Variants in RARB observed in about 807,000 individuals in gnomAD.
RARB encodes retinoic acid receptor beta, also known as HBV-activated protein.
Under a neutral mutation model 51.9 loss-of-function variants are expected in RARB, and 17 were observed. That is an observed-to-expected ratio of 0.33 (90% CI 0.22 to 0.49). The LOEUF (loss-of-function observed/expected upper bound fraction) is 0.49, where lower values mean the gene tolerates loss of function less well. RARB is among the 20% of genes least tolerant of loss of function. The probability of loss-of-function intolerance (pLI) is 0.99; values close to 1 mark genes in which losing one functional copy is unlikely to be tolerated. For synonymous variants in RARB, 215 were observed against 195.4 expected (o/e 1.10, Z -0.84); for missense variants, 369 against 550.8 (o/e 0.67, Z 3.30).
intron 2 of RARB, among the ~76,000 whole-genome samples, chr3:25,488,459 A>C (rs888269942): frequency 1.3e-5 from 2 of 152,142 alleles, no homozygotes; most frequent in Non-Finnish European, 2.9e-5. Flanking sequence ...CCTTCTGGAG[A>C]AAATGAGAAG....
intron 5 of RARB, among the ~76,000 whole-genome samples, chr3:25,375,563 A>C (rs765615898): frequency 2.0e-5 from 3 of 152,190 alleles, no homozygotes; most frequent in African/African-American, 4.8e-5. Context: ...ATTTTAATGG[A>C]TAATGGGACT....
At chr3:25,358,484 C>G (rs976696876) in intron 5 of RARB, among the ~76,000 whole-genome samples, 5 of 152,144 alleles carry the variant, frequency 3.3e-5, no homozygotes, top group African/African-American at 4.8e-5. Flanking sequence ...CTTTCTCTTG[C>G]CTGATTGCCC....
At chr3:25,132,564 G>A (rs1031044354) in intron 4 of RARB, among the ~76,000 whole-genome samples, 3 of 151,778 alleles carry the variant, frequency 2.0e-5, no homozygotes, top group African/African-American at 2.4e-5. Context: ...CTCAAAAAAC[G>A]TTATGCTTGG....
rs550344078 is a variant in RARB, at chr3:24,847,248, C to T, written c.-458-11426C>T. Among the ~76,000 whole-genome samples the T allele has an allele frequency of 5.9e-5, 9 of 152,246 alleles. No individual in the cohort carries two copies. In the East Asian group the frequency reaches 1.7e-3, roughly 29 times the overall value. The stretch of plus-strand genomic sequence containing the variant: ...GAACCATTGTTCAAGAGCAGCTGTC[C>T]CTGGCTTTGAAAGGTGTGATAATGT... On this transcript the variant is annotated intron_variant, in intron 1 of 11. Coordinates refer to the RARB transcript ENST00000383772.
rs141369792 is a variant in RARB, at chr3:25,348,964, C to T, written c.179-112229C>T. Among the ~76,000 whole-genome samples, 1,127 of 152,282 alleles carry T rather than the reference C, an allele frequency of 7.4e-3. 18 individuals are homozygous for T. Among genetic ancestry groups the T allele is most frequent in the African/African-American group, 0.026 (1,069 of 41,570 alleles). On this transcript the variant is annotated intron_variant, in intron 5 of 11. Coordinates refer to the RARB transcript ENST00000383772. ...TGCAGTAGAGCATCTTGAAGACTCCCCAGGTTGCATTCTCCCCCAGATCTT... is the reference window on the plus strand; with the variant it reads ...TGCAGTAGAGCATCTTGAAGACTCCTCAGGTTGCATTCTCCCCCAGATCTT...
chr3:24,923,796 T>A (rs2363523), intron 2 of RARB, among the ~76,000 whole-genome samples: 77,195 of 151,982 alleles, frequency 0.51, 20,484 homozygotes, highest in East Asian at 0.72. Flanking sequence ...CTGGTAGAGC[T>A]TGAAGAAATA....
At chr3:25,596,126 A>G (rs1365463348) in intron 7 of RARB, among the ~76,000 whole-genome samples, 2 of 152,230 alleles carry the variant, frequency 1.3e-5, no homozygotes, top group African/African-American at 4.8e-5. Context: ...TCAACATACT[A>G]TGAGTCTGAG....
intron 1 of RARB, among the ~76,000 whole-genome samples, chr3:25,453,303 A>G (rs1197994769): frequency 7.3e-6 from 1 of 137,592 alleles, no homozygotes. Context: ...GCTGGGGTGC[A>G]ATGGCACGAT....
chr3:25,428,986 C>A, intron 1 of RARB, 98 bp downstream of exon 1: 1 of 1,364,610 alleles, frequency 7.3e-7, no homozygotes, highest in Non-Finnish European at 9.8e-7. Flanking sequence ...GGTAGCAAGA[C>A]AAAGGATTTA....
chr3:25,149,909 C>A (rs1222701701), intron 4 of RARB, among the ~76,000 whole-genome samples: 1 of 151,786 alleles, frequency 6.6e-6, no homozygotes, highest in Non-Finnish European at 1.5e-5. Context: ...TTTTTTTAAT[C>A]TTAAATATCT....
In RARB at chr3:25,086,757, G is replaced by A. The variant is rs569824664; in HGVS notation, c.-328+26581G>A. On this transcript the variant is annotated intron_variant, in intron 3 of 11. Transcript: ENST00000383772. ...GTATTCAAAGATTTTCTGATTGGCA[G>A]TTGGTTGAAAGAGTTTATCTAAAGA... Among the ~76,000 whole-genome samples, 4 of 152,248 alleles carry A rather than the reference G, an allele frequency of 2.6e-5. No homozygotes were observed. The South Asian group carries it at 6.2e-4, about 24-fold the overall frequency.
intron 1 of RARB, among the ~76,000 whole-genome samples, chr3:24,857,955 T>A (rs1702666286): frequency 6.6e-6 from 1 of 152,162 alleles, no homozygotes; most frequent in Non-Finnish European, 1.5e-5. Context: ...AAAGGAATAT[T>A]TTGTTGTAAT....
intron 2 of RARB, among the ~76,000 whole-genome samples, chr3:25,465,380 G>C (rs1695380173): frequency 1.3e-5 from 2 of 152,144 alleles, no homozygotes; most frequent in South Asian, 4.1e-4. Context: ...ACCATTGGCT[G>C]GAAATCAAAG....
intron 2 of RARB, among the ~76,000 whole-genome samples, chr3:25,057,293 T>C (rs898732823): frequency 6.6e-6 from 1 of 152,068 alleles, no homozygotes; most frequent in African/African-American, 2.4e-5. Context: ...ATTATGACTT[T>C]AAGGTAAGAT....
intron 5 of RARB, among the ~76,000 whole-genome samples, chr3:25,341,798 C>A (rs1255611399): frequency 6.6e-6 from 1 of 152,046 alleles, no homozygotes; most frequent in Non-Finnish European, 1.5e-5. Context: ...ATTGTCTGAC[C>A]CAAAATGTCA....
At chr3:25,206,600 C>G (rs928478282) in intron 5 of RARB, among the ~76,000 whole-genome samples, 1 of 151,974 alleles carries the variant, frequency 6.6e-6, no homozygotes, top group Non-Finnish European at 1.5e-5. Context: ...CTAAGCTTCC[C>G]GTGTGCTTGA....
intron 5 of RARB, among the ~76,000 whole-genome samples, chr3:25,591,466 A>G (rs180798312): frequency 2.0e-5 from 3 of 152,222 alleles, no homozygotes; most frequent in Admixed American, 6.5e-5. Context: ...AGGTTTGACT[A>G]TTGGCGTGGA....
At chr3:25,489,805 TG>T (rs1334720622) in intron 2 of RARB, among the ~76,000 whole-genome samples, 1 of 152,208 alleles carries the variant, frequency 6.6e-6, no homozygotes, top group African/African-American at 2.4e-5. Context: ...TTGGGGGGCC[TG>T]GGTAAGTATG....
chr3:25,040,856 G>T (rs983391065), intron 2 of RARB, among the ~76,000 whole-genome samples: 3 of 152,154 alleles, frequency 2.0e-5, no homozygotes, highest in Non-Finnish European at 4.4e-5. Flanking sequence ...GTCCTAGGAG[G>T]TGGATAGGCT....
Sources: allele counts gnomAD v4.1 joint callset (sites outside exome capture counted in the v4.1 genomes callset), GRCh38; gene constraint gnomAD v4.1.1; transcripts MANE v1.5; gene names NCBI Gene and HGNC (gene_info 2026-07-23, HGNC 2026-07-21).